Variants in ANKRD30BL observed in about 807,000 individuals in gnomAD.
The protein encoded by ANKRD30BL is ankyrin repeat domain 30B like.
A neutral mutation model predicts 18.4 loss-of-function variants in ANKRD30BL; 20 were observed. That is an observed-to-expected ratio of 1.09 (90% CI 0.77 to 1.58). ANKRD30BL has a LOEUF of 1.58. Among genes scored for constraint, ANKRD30BL ranks in the 40% most tolerant of loss-of-function variants. The pLI is 0.00. For synonymous variants in ANKRD30BL, 72 were observed against 100.9 expected (o/e 0.71, Z 1.72); for missense variants, 224 against 268.6 (o/e 0.83, Z 1.16).
At chr2:132,185,082 G>A (rs565760047) in intron 1 of ANKRD30BL, among the ~76,000 whole-genome samples, 15 of 152,290 alleles carry the variant, frequency 9.8e-5, no homozygotes, top group African/African-American at 3.6e-4. Context: ...AAAGTGCTGG[G>A]ATTACAGGCG....
At chr2:132,189,946 G>A (rs1678811926) in intron 1 of ANKRD30BL, among the ~76,000 whole-genome samples, 1 of 151,910 alleles carries the variant, frequency 6.6e-6, no homozygotes, top group Non-Finnish European at 1.5e-5. Context: ...TTTCTAAATT[G>A]GTGGGTATAG....
exon 1 of ANKRD30BL, chr2:132,257,718 C>T (rs1422195149): frequency 1.9e-5 from 3 of 153,930 alleles, no homozygotes; most frequent in Non-Finnish European, 2.9e-5. Context: ...TCGTCGGGCC[C>T]GCAGAGGCGC....
chr2:132,241,220 T>C (rs1192083741), intron 1 of ANKRD30BL, among the ~76,000 whole-genome samples: 5 of 152,080 alleles, frequency 3.3e-5, no homozygotes, highest in Admixed American at 6.6e-5. Flanking sequence ...TTCTTTGTGA[T>C]GTGTGTACTC....
At chr2:132,222,851 A>G (rs1679731154) in intron 1 of ANKRD30BL, among the ~76,000 whole-genome samples, 1 of 148,700 alleles carries the variant, frequency 6.7e-6, no homozygotes, top group African/African-American at 2.4e-5. Context: ...AAAAAAAAAA[A>G]AAAAAAAAAA....
At chr2:132,252,945 C>T (rs1390030291) in intron 1 of ANKRD30BL, among the ~76,000 whole-genome samples, 1 of 152,170 alleles carries the variant, frequency 6.6e-6, no homozygotes, top group Non-Finnish European at 1.5e-5. Context: ...CTCTCTTCCT[C>T]ACAGCCGGGA....
In ANKRD30BL at chr2:132,150,781, A is replaced by G. The variant is rs1351907828; in HGVS notation, c.679+131T>C. ...AATTAAATCAAAGCTTTGTATATAAAAAAACACATATAGGTCTATATGTAA... is the reference window on the plus strand; with the variant it reads ...AATTAAATCAAAGCTTTGTATATAAGAAAACACATATAGGTCTATATGTAA... On this transcript the variant is annotated intron_variant, in intron 5 of 5. Coordinates refer to ENST00000409867, the MANE Select transcript of ANKRD30BL (RefSeq NM_001358416.1). 5.2e-5 allele frequency: 18 copies of G among 343,714 alleles called. No individual in the cohort carries two copies. The East Asian group carries it at 8.2e-4, about 16-fold the overall frequency. 21.3% of individuals were successfully genotyped at this position (343,714 alleles called of 1,614,324 possible).
chr2:132,154,610 T>C, intron 4 of ANKRD30BL, 52 bp downstream of exon 4: 1 of 567,602 alleles, frequency 1.8e-6, no homozygotes, highest in Non-Finnish European at 3.2e-6. Flanking sequence ...ACTTGAGAGT[T>C]ATTACTCTAG....
chr2:132,159,023 A>T lies in ANKRD30BL; in HGVS notation c.219-1600T>A, dbSNP rs547512616. On this transcript the variant is annotated intron_variant, in intron 1 of 5. Transcript: ENST00000409867. ...TAAACTTTTTCTAATAGCATTGTAC[A>T]TGCTCAATGTGGAAATCAAAGATAA... is the stretch of plus-strand genomic sequence containing the variant. Among the ~76,000 whole-genome samples, 25 of 152,154 alleles carry T rather than the reference A, an allele frequency of 1.6e-4. No individual in the cohort carries two copies. The East Asian group carries it at 4.4e-3, about 27-fold the overall frequency.
chr2:132,248,930 C>G (rs1186232263), intron 1 of ANKRD30BL, among the ~76,000 whole-genome samples: 1 of 151,754 alleles, frequency 6.6e-6, no homozygotes, highest in Non-Finnish European at 1.5e-5. Flanking sequence ...TTCTCAGAAA[C>G]TTCTGTCAAG....
intron 1 of ANKRD30BL, among the ~76,000 whole-genome samples, chr2:132,213,724 C>T (rs1234836399): frequency 6.6e-6 from 1 of 152,134 alleles, no homozygotes; most frequent in African/African-American, 2.4e-5. Context: ...TTGAACATTT[C>T]TTTTCATTGA....
intron 1 of ANKRD30BL, among the ~76,000 whole-genome samples, chr2:132,202,393 A>G (rs1679124296): frequency 6.7e-6 from 1 of 150,312 alleles, no homozygotes. Flanking sequence ...ATTAAAGTAA[A>G]ATAAAAATTT....
chr2:132,229,379 A>G (rs1304585817), intron 1 of ANKRD30BL, among the ~76,000 whole-genome samples: 1 of 152,120 alleles, frequency 6.6e-6, no homozygotes, highest in Non-Finnish European at 1.5e-5. Context: ...CAGTTTGGAA[A>G]CACTCTTTTT....
At chr2:132,256,764 C>CA (rs1680853489) in intron 1 of ANKRD30BL, among the ~76,000 whole-genome samples, 2 of 152,238 alleles carry the variant, frequency 1.3e-5, no homozygotes, top group Admixed American at 1.3e-4. Flanking sequence ...CCCGGGGACA[C>CA]GGACAACGGG....
At chr2:132,222,851 A>AAAAAAAAAAAAAAAAAAAC in intron 1 of ANKRD30BL, among the ~76,000 whole-genome samples, 1 of 148,700 alleles carries the variant, frequency 6.7e-6, no homozygotes, top group African/African-American at 2.4e-5. Context: ...AAAAAAAAAA[A>AAAAAAAAAAAAAAAAAAAC]AAAAAAAAAA....
intron 1 of ANKRD30BL, among the ~76,000 whole-genome samples, chr2:132,185,274 A>C (rs1688543189): frequency 6.6e-6 from 1 of 152,166 alleles, no homozygotes; most frequent in South Asian, 2.1e-4. Context: ...AATCGGCTCC[A>C]CTTGCACACC....
chr2:132,197,633 T>C (rs1678994151), intron 1 of ANKRD30BL, among the ~76,000 whole-genome samples: 1 of 151,802 alleles, frequency 6.6e-6, no homozygotes. Context: ...AATTATATTG[T>C]GTGTAGAGAG....
At chr2:132,172,684 G>A (rs896423818) in intron 1 of ANKRD30BL, among the ~76,000 whole-genome samples, 4 of 150,206 alleles carry the variant, frequency 2.7e-5, no homozygotes, top group South Asian at 2.1e-4. Flanking sequence ...CATTCTTTGA[G>A]TTGTTGTTCC....
intron 1 of ANKRD30BL, among the ~76,000 whole-genome samples, chr2:132,238,417 T>C (rs1680220990): frequency 6.6e-6 from 1 of 151,868 alleles, no homozygotes; most frequent in Non-Finnish European, 1.5e-5. Context: ...TTGGACAGCT[T>C]TGATGCCTTC....
intron 1 of ANKRD30BL, among the ~76,000 whole-genome samples, chr2:132,254,341 C>T (rs1680760618): frequency 6.6e-6 from 1 of 152,226 alleles, no homozygotes; most frequent in East Asian, 1.9e-4. Flanking sequence ...CTTCGCTCTT[C>T]TCTGTTAATG....
Sources: allele counts gnomAD v4.1 joint callset (sites outside exome capture counted in the v4.1 genomes callset), GRCh38; gene constraint gnomAD v4.1.1; transcripts MANE v1.5; gene names NCBI Gene and HGNC (gene_info 2026-07-23, HGNC 2026-07-21).